CPNE8: variants seen among roughly 807,000 people sequenced by gnomAD.
The protein encoded by CPNE8 is copine 8.
A neutral mutation model predicts 81.5 loss-of-function variants in CPNE8; 45 were observed. That is an observed-to-expected ratio of 0.55 (90% CI 0.44 to 0.71). The LOEUF (loss-of-function observed/expected upper bound fraction) is 0.71. Ranked by LOEUF, CPNE8 falls within the 30% of genes least tolerant of loss-of-function variation. CPNE8 has a pLI of 0.00. For missense variants in CPNE8, 594 were observed against 672.1 expected (o/e 0.88, Z 1.28); for synonymous variants, 252 against 226.3 (o/e 1.11, Z -1.02).
intron 10 of CPNE8, among the ~76,000 whole-genome samples, chr12:38,746,048 G>T (rs1941220309): frequency 6.6e-6 from 1 of 152,126 alleles, no homozygotes; most frequent in Admixed American, 6.5e-5. Context: ...ACTGCTTTAA[G>T]TGGCCGCAAT....
At chr12:38,694,057 C>T (rs2136674122) in intron 14 of CPNE8, among the ~76,000 whole-genome samples, 1 of 152,080 alleles carries the variant, frequency 6.6e-6, no homozygotes, top group South Asian at 2.1e-4. Flanking sequence ...AAAGCATACG[C>T]AGAAGTTTTC....
At chr12:38,799,978 G>A (rs1239400483) in intron 6 of CPNE8, among the ~76,000 whole-genome samples, 4 of 148,014 alleles carry the variant, frequency 2.7e-5, no homozygotes, top group African/African-American at 9.8e-5. Context: ...CCACGAGACT[G>A]TATCCCACAC....
chr12:38,712,300 G>T (rs1240769795), intron 13 of CPNE8, among the ~76,000 whole-genome samples: 2 of 151,592 alleles, frequency 1.3e-5, no homozygotes, highest in Admixed American at 1.3e-4. Flanking sequence ...AACCTCTTGG[G>T]TTTAACAATC....
In CPNE8 at chr12:38,856,963, GT is replaced by G. The variant is rs916553348; in HGVS notation, c.187-8302del. On this transcript the variant is annotated intron_variant, in intron 3 of 19. Transcript: ENST00000331366. ...ACTGCACTATACTATGAGTATCAGGGTTTTTTTTTTCAATATACAGCCTATA... is the reference window on the plus strand; with the variant it reads ...ACTGCACTATACTATGAGTATCAGGGTTTTTTTTTCAATATACAGCCTATA... Among the ~76,000 whole-genome samples, 174 of 146,442 alleles carry G rather than the reference GT, an allele frequency of 1.2e-3. 1 individual carries two copies. Among genetic ancestry groups the G allele is most frequent in the African/African-American group, 3.9e-3 (154 of 39,974 alleles).
intron 1 of CPNE8, among the ~76,000 whole-genome samples, chr12:38,880,529 G>A (rs973831803): frequency 1.1e-4 from 16 of 152,272 alleles, no homozygotes; most frequent in Non-Finnish European, 2.1e-4. Context: ...CCCTGAGAGT[G>A]ACAGCATCAC....
At chr12:38,756,511 G>A (rs1340191093) in intron 10 of CPNE8, among the ~76,000 whole-genome samples, 1 of 151,938 alleles carries the variant, frequency 6.6e-6, no homozygotes, top group African/African-American at 2.4e-5. Flanking sequence ...ACGCCACCAT[G>A]CCCAGCTAAT....
At chr12:38,836,871 T>A (rs550284227) in intron 5 of CPNE8, among the ~76,000 whole-genome samples, 2 of 152,306 alleles carry the variant, frequency 1.3e-5, no homozygotes, top group South Asian at 4.1e-4. Context: ...AGGAATAGCT[T>A]TTGCTATAAA....
At chr12:38,695,016 G>C (rs549210050) in intron 14 of CPNE8, among the ~76,000 whole-genome samples, 2 of 152,040 alleles carry the variant, frequency 1.3e-5, no homozygotes, top group Non-Finnish European at 2.9e-5. Context: ...AGTTACCAGC[G>C]TTCAAGGGCT....
intron 19 of CPNE8, among the ~76,000 whole-genome samples, chr12:38,663,540 A>T (rs563989228): frequency 6.4e-4 from 98 of 152,252 alleles, no homozygotes; most frequent in African/African-American, 1.9e-3. Flanking sequence ...AAGGGAACTC[A>T]TACATTGTTG....
chr12:38,860,562 C>CA lies in CPNE8; in HGVS notation c.187-11901dup, dbSNP rs112847958. Among the ~76,000 whole-genome samples, 384 of 145,110 alleles carry CA rather than the reference C, an allele frequency of 2.6e-3. 2 individuals are homozygous for CA. The highest frequency in any genetic ancestry group is 7.5e-3 in the East Asian group (37 of 4,960). The stretch of plus-strand genomic sequence containing the variant: ...AGCAATCCCACTTTTGAGTATATAT[C>CA]AAAAAAAAAAAAACTCAACGATCTT... On this transcript the variant is annotated intron_variant, in intron 3 of 19. Transcript: ENST00000331366.
At chr12:38,666,843 G>A (rs573923115) in intron 19 of CPNE8, among the ~76,000 whole-genome samples, 2 of 152,118 alleles carry the variant, frequency 1.3e-5, no homozygotes, top group South Asian at 4.2e-4. Flanking sequence ...TAATTAGCTG[G>A]GTGACTGTGG....
At chr12:38,693,104 C>G (rs992223126) in intron 15 of CPNE8, among the ~76,000 whole-genome samples, 1 of 152,052 alleles carries the variant, frequency 6.6e-6, no homozygotes, top group Non-Finnish European at 1.5e-5. Flanking sequence ...AAGCTCAGGC[C>G]CAAGACATGA....
rs764085822 is a variant in CPNE8, at chr12:38,873,060, A to T, written c.140-10T>A. On this transcript the variant is annotated splice_polypyrimidine_tract_variant and intron_variant, in intron 2 of 19. Coordinates refer to ENST00000331366, the MANE Select transcript of CPNE8 (RefSeq NM_153634.3). Reference sequence around the variant, plus strand: ...ACATATAAGACACAAACTACAAAAGATGAAAAAATACGCACATATAAATGT... The same window carrying T: ...ACATATAAGACACAAACTACAAAAGTTGAAAAAATACGCACATATAAATGT... The T allele has an allele frequency of 5.3e-6, 8 of 1,495,562 alleles. No individual in the cohort carries two copies. The highest frequency in any genetic ancestry group is 6.5e-6 in the Non-Finnish European group (7 of 1,080,030). The allele number at this position is 1,495,562 out of a possible 1,614,324, so 92.6% of individuals were successfully genotyped here.
At chr12:38,794,252 G>C (rs1266567304) in intron 6 of CPNE8, among the ~76,000 whole-genome samples, 1 of 152,032 alleles carries the variant, frequency 6.6e-6, no homozygotes, top group Non-Finnish European at 1.5e-5. Flanking sequence ...GCTCAACAGG[G>C]TGAAAAAGCA....
At chr12:38,765,040 T>C (rs896395222) in intron 8 of CPNE8, among the ~76,000 whole-genome samples, 1 of 152,200 alleles carries the variant, frequency 6.6e-6, no homozygotes, top group African/African-American at 2.4e-5. Flanking sequence ...TTAAATACTT[T>C]TGACACTTGA....
chr12:38,725,192 G>A (rs1940664993), intron 11 of CPNE8, among the ~76,000 whole-genome samples: 2 of 152,072 alleles, frequency 1.3e-5, no homozygotes, highest in African/African-American at 4.8e-5. Context: ...AACATCTAAT[G>A]TCCTAACTAA....
chr12:38,689,570 A>G (rs1263308945), intron 15 of CPNE8, among the ~76,000 whole-genome samples: 1 of 152,256 alleles, frequency 6.6e-6, no homozygotes, highest in Non-Finnish European at 1.5e-5. Context: ...TTTTATATAC[A>G]GTACAGTGTT....
intron 6 of CPNE8, among the ~76,000 whole-genome samples, chr12:38,805,614 A>G: frequency 8.9e-6 from 1 of 111,882 alleles, no homozygotes; most frequent in Non-Finnish European, 1.9e-5. Flanking sequence ...ATACATATGT[A>G]ACTAACCTGC....
intron 6 of CPNE8, among the ~76,000 whole-genome samples, chr12:38,792,883 C>G (rs1942358813): frequency 6.6e-6 from 1 of 151,856 alleles, no homozygotes; most frequent in South Asian, 2.1e-4. Context: ...GAATTATACA[C>G]CATCACCAGC....
Sources: gnomAD v4.1 joint callset for allele counts (sites outside exome capture counted in the v4.1 genomes callset) on GRCh38, gnomAD v4.1.1 for gene constraint, MANE v1.5 for transcripts, NCBI Gene and HGNC (gene_info 2026-07-23, HGNC 2026-07-21) for gene names.